CACNA1A: variants seen among roughly 807,000 people sequenced by gnomAD.
CACNA1A encodes voltage-dependent P/Q-type calcium channel subunit alpha-1A.
Under a neutral mutation model 262.4 loss-of-function variants are expected in CACNA1A, and 57 were observed. The observed-to-expected ratio is 0.22, with a 90% CI of 0.18 to 0.27. CACNA1A has a LOEUF of 0.27. Among genes scored for constraint, CACNA1A ranks in the 10% least tolerant of loss-of-function variants. The pLI is 1.00. For synonymous variants in CACNA1A, 1,431 were observed against 1,419.3 expected, an observed-to-expected ratio of 1.01 and a Z score of -0.18; for missense variants, 2,526 against 3,562.8, an observed-to-expected ratio of 0.71 and a Z score of 7.41.
chr19:13,264,679 C>G (rs148877839), intron 24 of CACNA1A, among the ~76,000 whole-genome samples: 4 of 152,298 alleles, frequency 2.6e-5, no homozygotes, highest in Admixed American at 6.5e-5. Context: ...CACAGAACTA[C>G]CCGGTCCTCA....
chr19:13,337,042 A>G (rs1417360474), intron 6 of CACNA1A, among the ~76,000 whole-genome samples: 1 of 152,224 alleles, frequency 6.6e-6, no homozygotes, highest in Non-Finnish European at 1.5e-5. Flanking sequence ...CCTGGAAGAA[A>G]GGCTAAAATG....
chr19:13,366,670 G>A (rs562859972), intron 4 of CACNA1A, among the ~76,000 whole-genome samples: 2 of 152,274 alleles, frequency 1.3e-5, no homozygotes, highest in Admixed American at 6.5e-5. Flanking sequence ...AAAGGGGTGG[G>A]AGTCCATTGC....
intron 1 of CACNA1A, among the ~76,000 whole-genome samples, chr19:13,465,473 A>G (rs1158601589): frequency 6.6e-6 from 1 of 152,000 alleles, no homozygotes; most frequent in African/African-American, 2.4e-5. Flanking sequence ...CTCAGCATCA[A>G]CTTTTTTGTT....
chr19:13,227,584 TG>T (rs2144610566), intron 36 of CACNA1A, 57 bp from the exon 37 acceptor site: 1 of 932,830 alleles, frequency 1.1e-6, no homozygotes, highest in East Asian at 2.8e-5. Flanking sequence ...AAAACGGGAA[TG>T]GGAACAGAGA....
At chr19:13,420,504 CAG>C (rs2060300623) in intron 3 of CACNA1A, among the ~76,000 whole-genome samples, 1 of 151,928 alleles carries the variant, frequency 6.6e-6, no homozygotes. Flanking sequence ...CATAGACACA[CAG>C]AGAAAAAAGG....
At chr19:13,476,439 A>C (rs1978548790) in intron 1 of CACNA1A, among the ~76,000 whole-genome samples, 1 of 152,176 alleles carries the variant, frequency 6.6e-6, no homozygotes, top group African/African-American at 2.4e-5. Flanking sequence ...ATGATATGCC[A>C]CCTGAGTACT....
intron 1 of CACNA1A, among the ~76,000 whole-genome samples, chr19:13,461,898 A>G (rs2061130730): frequency 6.6e-6 from 1 of 152,188 alleles, no homozygotes; most frequent in African/African-American, 2.4e-5. Flanking sequence ...AAGTCAGGAT[A>G]GCAGACAGCC....
intron 38 of CACNA1A, among the ~76,000 whole-genome samples, chr19:13,220,029 G>A (rs1351126097): frequency 6.6e-6 from 1 of 151,654 alleles, no homozygotes. Context: ...AGGCTGAGGC[G>A]GGTGGATCAC....
Position 13,209,497 on chromosome 19 carries a change from G to A in CACNA1A, c.6341C>T (p.Thr2114Ile). ...CTTCATGGGGCTGGTGTCTGAGATGGTCTGGGGGAGGGGACAGGCCGGTGG... is the reference window on the plus strand; with the variant it reads ...CTTCATGGGGCTGGTGTCTGAGATGATCTGGGGGAGGGGACAGGCCGGTGG... ...RGRPRGNNLS[T>I]ISDTSPMKRS... The change falls in exon 45 of 47, where the codon ACC becomes ATC. Residue 2114 changes from threonine (T) to isoleucine (I), a missense_variant and splice_region_variant. Physicochemically the swap from Thr to Ile is moderately conservative, Grantham distance 89. This residue lies in a region of CACNA1A where 929 missense variants were observed against 868.1 expected (regional missense o/e 1.07). Coordinates refer to ENST00000360228, the MANE Select transcript of CACNA1A (RefSeq NM_001127222.2). The A allele has an allele frequency of 7.6e-7, 1 of 1,310,436 alleles. No individual in the cohort carries two copies. Among genetic ancestry groups the A allele is most frequent in the Non-Finnish European group, 9.8e-7 (1 of 1,022,404 alleles). The allele number at this position is 1,310,436 out of a possible 1,614,324, so 81.2% of individuals were successfully genotyped here.
chr19:13,488,393 T>TC (rs1980307983), intron 1 of CACNA1A, among the ~76,000 whole-genome samples: 2 of 120,268 alleles, frequency 1.7e-5, no homozygotes, highest in South Asian at 3.0e-4. Flanking sequence ...TTCTTTTCTT[T>TC]TTTTTTTTTT....
At position 13,259,278 on chromosome 19, in the gene CACNA1A, C is replaced by T. The variant is rs185063839; in HGVS notation, c.4388+286G>A. The T allele has an allele frequency of 1.4e-4, 26 of 192,404 alleles. No homozygotes were observed. In the East Asian group the frequency reaches 1.4e-3, roughly 10 times the overall value. 11.9% of individuals were successfully genotyped at this position (192,404 alleles called of 1,614,324 possible). A position where few individuals can be genotyped will look rare whatever the true frequency, so the allele number is the denominator to read the frequency against. Reference sequence around the variant, plus strand: ...CTCGTGTCTCAGCCTCCTGAGTAGCCGGGACCACAGGTGTGAGCCACCATG... The same window carrying T: ...CTCGTGTCTCAGCCTCCTGAGTAGCTGGGACCACAGGTGTGAGCCACCATG... On this transcript the variant is annotated intron_variant, in intron 27 of 46. Coordinates refer to ENST00000360228, the MANE Select transcript of CACNA1A (RefSeq NM_001127222.2).
intron 34 of CACNA1A, 192 bp downstream of exon 34, chr19:13,234,729 C>T (rs952540149): frequency 7.2e-6 from 4 of 558,810 alleles, no homozygotes; most frequent in South Asian, 4.5e-5. Context: ...AAGGCCGGCA[C>T]GTCCCCTACC....
intron 1 of CACNA1A, among the ~76,000 whole-genome samples, chr19:13,466,393 T>A (rs536687028): frequency 2.7e-5 from 4 of 150,316 alleles, no homozygotes; most frequent in African/African-American, 9.8e-5. Context: ...GTGCATGGAG[T>A]GCAGTGGCAC....
chr19:13,212,290 G>A lies in CACNA1A; in HGVS notation c.6190-74C>T. On this transcript the variant is annotated intron_variant, in intron 42 of 46. Coordinates refer to ENST00000360228, the MANE Select transcript of CACNA1A (RefSeq NM_001127222.2). This position sits in a 1 kb window ranked among gnomAD's most constrained non-coding sequence, Gnocchi z 5.6. Reference sequence around the variant, plus strand: ...GATCCCTGGTGTCTGCAGAGGGAGGGAGCTGCAGGTGTGTGTGTGTGGGGG... The same window carrying A: ...GATCCCTGGTGTCTGCAGAGGGAGGAAGCTGCAGGTGTGTGTGTGTGGGGG... The A allele has an allele frequency of 6.4e-7, 1 of 1,566,484 alleles. No homozygotes were observed. The highest frequency in any genetic ancestry group is 8.8e-7 in the Non-Finnish European group (1 of 1,139,424).
At chr19:13,235,522 G>A in intron 32 of CACNA1A, 92 bp downstream of exon 32, 2 of 911,628 alleles carry the variant, frequency 2.2e-6, no homozygotes, top group Non-Finnish European at 1.8e-6. Flanking sequence ...CTACATCACA[G>A]AGGCACTTCC....
intron 3 of CACNA1A, among the ~76,000 whole-genome samples, chr19:13,433,456 GTC>G (rs1435727432): frequency 1.6e-4 from 6 of 38,228 alleles, no homozygotes; most frequent in Non-Finnish European, 9.4e-5. Flanking sequence ...GCAAGACGCT[GTC>G]TCAAAAAAAA....
intron 3 of CACNA1A, among the ~76,000 whole-genome samples, chr19:13,393,622 TTTTC>T (rs949156123): frequency 2.0e-5 from 3 of 147,682 alleles, no homozygotes; most frequent in African/African-American, 7.5e-5. Context: ...TCCTTCCTTT[TTTTC>T]TTTCTTTAGC....
intron 3 of CACNA1A, among the ~76,000 whole-genome samples, chr19:13,445,574 T>C (rs17777810): frequency 0.038 from 5,746 of 152,028 alleles, 243 homozygotes; most frequent in East Asian, 0.25. Flanking sequence ...AGAAAAAAAA[T>C]TGTGCTCACC....
At chr19:13,298,481 CTT>C in intron 19 of CACNA1A, 61 bp downstream of exon 19, 1 of 1,392,310 alleles carries the variant, frequency 7.2e-7, no homozygotes, top group East Asian at 2.8e-5. Context: ...GCACGTGCTA[CTT>C]TGGCTGTTGT....
Sources: allele counts gnomAD v4.1 joint callset (sites outside exome capture counted in the v4.1 genomes callset), GRCh38; gene constraint gnomAD v4.1.1; regional missense constraint gnomAD v4.1.1; non-coding constraint Gnocchi (gnomAD v3.1); transcripts MANE v1.5; gene names NCBI Gene and HGNC (gene_info 2026-07-23, HGNC 2026-07-21).